Variants in NDUFV2 observed in about 807,000 individuals in gnomAD.
NDUFV2 encodes the protein NADH:ubiquinone oxidoreductase core subunit V2.
NDUFV2 carries 18 observed loss-of-function variants against 31.6 expected under a neutral mutation model. That is an observed-to-expected ratio of 0.57 (90% CI 0.39 to 0.84). NDUFV2 has a LOEUF of 0.84. NDUFV2 is among the 40% of genes least tolerant of loss of function. NDUFV2 has a pLI of 0.00. For missense variants in NDUFV2, 314 were observed against 303.6 expected, an observed-to-expected ratio of 1.03 and a Z score of -0.26; for synonymous variants, 83 against 99.8, an observed-to-expected ratio of 0.83 and a Z score of 1.01.
At chr18:9,119,214 T>C (rs867159744) in intron 2 of NDUFV2, 112 bp from the exon 3 acceptor site, 2 of 835,642 alleles carry the variant, frequency 2.4e-6, no homozygotes, top group Admixed American at 3.8e-5. Context: ...GTATATATCA[T>C]GTTGGAATTA....
At chr18:9,129,626 C>T (rs1178352367) in intron 7 of NDUFV2, among the ~76,000 whole-genome samples, 3 of 151,958 alleles carry the variant, frequency 2.0e-5, no homozygotes, top group Admixed American at 6.6e-5. Flanking sequence ...TGAGCCATGA[C>T]CTGAATGAAG....
At chr18:9,128,534 T>G (rs144584661) in intron 7 of NDUFV2, among the ~76,000 whole-genome samples, 3 of 152,208 alleles carry the variant, frequency 2.0e-5, no homozygotes. Flanking sequence ...CCCCTTTTTT[T>G]AGGAGGTAAA....
Position 9,117,904 on chromosome 18 carries a change from G to A in NDUFV2, c.120+1G>A. The stretch of plus-strand genomic sequence containing the variant: ...TGGAGCTGGAGGAGCTTTATTTGTG[G>A]TAAGTAATTACTTAGATTTCTTTGG... On this transcript the variant is annotated splice_donor_variant, in intron 2 of 7. Coordinates refer to ENST00000318388, the MANE Select transcript of NDUFV2 (RefSeq NM_021074.5). LOFTEE classifies it high-confidence loss of function. 1.3e-6 allele frequency: 2 copies of A among 1,581,604 alleles called. No individual in the cohort carries two copies. The highest frequency in any genetic ancestry group is 1.7e-6 in the Non-Finnish European group (2 of 1,150,598).
intron 1 of NDUFV2, among the ~76,000 whole-genome samples, chr18:9,105,950 A>G (rs1008135916): frequency 1.3e-5 from 2 of 151,936 alleles, no homozygotes; most frequent in African/African-American, 4.8e-5. Flanking sequence ...CCATATGTTG[A>G]ACAATTTTGG....
At chr18:9,115,337 C>G (rs778524750) in intron 1 of NDUFV2, among the ~76,000 whole-genome samples, 1 of 151,294 alleles carries the variant, frequency 6.6e-6, no homozygotes, top group Non-Finnish European at 1.5e-5. Context: ...TTTGTTTAAC[C>G]CTGATTCCAG....
intron 5 of NDUFV2, among the ~76,000 whole-genome samples, 169 bp downstream of exon 5, chr18:9,122,850 ATTC>A (rs1292029626): frequency 6.6e-6 from 1 of 152,122 alleles, no homozygotes; most frequent in Non-Finnish European, 1.5e-5. Context: ...CCTATTTGGT[ATTC>A]TTCCTCAGTT....
intron 2 of NDUFV2, among the ~76,000 whole-genome samples, chr18:9,118,316 C>T (rs1201044173): frequency 6.6e-6 from 1 of 151,958 alleles, no homozygotes; most frequent in Non-Finnish European, 1.5e-5. Context: ...TTTTAGTTTC[C>T]GGAGTTTTAA....
At position 9,124,179 on chromosome 18, in the gene NDUFV2, TAG is replaced by T. The variant is rs1391168510; in HGVS notation, c.470-692_470-691del. On this transcript the variant is annotated intron_variant, in intron 5 of 7. Transcript: ENST00000318388. ...AACTTCCTTGAATGTTAAAATTACA[TAG>T]AGTTTTTTTTTTGTTTTTTTTTTTT... Among the ~76,000 whole-genome samples, 6 of 150,760 alleles carry T rather than the reference TAG, an allele frequency of 4.0e-5. No homozygotes were observed. The South Asian group carries it at 8.3e-4, about 21-fold the overall frequency.
chr18:9,122,138 AAT>A (rs2077942036), intron 4 of NDUFV2, among the ~76,000 whole-genome samples: 1 of 152,174 alleles, frequency 6.6e-6, no homozygotes, highest in South Asian at 2.1e-4. Flanking sequence ...TTTGGCCATC[AAT>A]TTTTTGCCAT....
chr18:9,133,037 G>C (rs2143117723), intron 7 of NDUFV2, among the ~76,000 whole-genome samples: 1 of 152,154 alleles, frequency 6.6e-6, no homozygotes, highest in East Asian at 1.9e-4. Flanking sequence ...ATAATCCAAA[G>C]ATATTAACTA....
chr18:9,121,864 A>T (rs1244588019), intron 4 of NDUFV2, among the ~76,000 whole-genome samples: 1 of 152,236 alleles, frequency 6.6e-6, no homozygotes, highest in Admixed American at 6.5e-5. Flanking sequence ...GTACTAGACT[A>T]TATGATTCAA....
Position 9,102,802 on chromosome 18 carries a change from G to T in NDUFV2, c.54+5G>T. On this transcript the variant is annotated splice_donor_5th_base_variant and intron_variant, in intron 1 of 7. Transcript: ENST00000318388. ...GCTGGCCTCACCGCCCACTGGGTAA[G>T]GAGGCTCAAGCTGAGCCCGGCGCTG... 6.4e-7 allele frequency: 1 copy of T among 1,563,436 alleles called. No individual in the cohort carries two copies. Among genetic ancestry groups the T allele is most frequent in the Non-Finnish European group, 8.6e-7 (1 of 1,156,292 alleles).
intron 1 of NDUFV2, among the ~76,000 whole-genome samples, chr18:9,116,378 C>A (rs1309608169): frequency 6.6e-6 from 1 of 152,142 alleles, no homozygotes; most frequent in African/African-American, 2.4e-5. Context: ...AGTATACAGT[C>A]TTTTCTCTCA....
chr18:9,104,854 A>G, intron 1 of NDUFV2: 2 of 1,371,666 alleles, frequency 1.5e-6, no homozygotes, highest in Non-Finnish European at 2.0e-6. Flanking sequence ...GAGACTAGCA[A>G]GTAGAGTAAG....
chr18:9,104,294 A>C, intron 1 of NDUFV2: 1 of 1,610,796 alleles, frequency 6.2e-7, no homozygotes, highest in Non-Finnish European at 8.5e-7. Flanking sequence ...GGCGTGCCAT[A>C]CTAAAGAATT....
chr18:9,119,679 GT>G (rs1315216398), intron 4 of NDUFV2, 89 bp downstream of exon 4: 15 of 1,111,478 alleles, frequency 1.3e-5, no homozygotes, highest in Non-Finnish European at 2.1e-5. Flanking sequence ...ATCATCTCCA[GT>G]GTCAGAATCT....
chr18:9,128,137 A>C (rs549266996), intron 7 of NDUFV2, among the ~76,000 whole-genome samples: 27 of 152,266 alleles, frequency 1.8e-4, no homozygotes, highest in African/African-American at 6.0e-4. Context: ...TATGTATATA[A>C]ATTTTTTCTT....
In NDUFV2 at chr18:9,102,712, G is replaced by A; in HGVS notation, c.-32G>A. 1 of 1,571,242 alleles carries A rather than the reference G, an allele frequency of 6.4e-7. No individual in the cohort carries two copies. Among genetic ancestry groups the A allele is most frequent in the Non-Finnish European group, 8.6e-7 (1 of 1,161,406 alleles). ...GGCGCGCTCGGGATTCTCGCCTGGCGCGGCTGGGGAAGGTGAACAGTGTGG... is the reference window on the plus strand; with the variant it reads ...GGCGCGCTCGGGATTCTCGCCTGGCACGGCTGGGGAAGGTGAACAGTGTGG... On this transcript the variant is annotated 5_prime_UTR_variant, in exon 1 of 8. Coordinates refer to ENST00000318388, the MANE Select transcript of NDUFV2 (RefSeq NM_021074.5).
intron 1 of NDUFV2, among the ~76,000 whole-genome samples, chr18:9,112,208 G>A (rs1371077759): frequency 5.3e-5 from 8 of 151,334 alleles, no homozygotes; most frequent in South Asian, 2.1e-4. Context: ...TAGTAGAGAT[G>A]GGGTTTCACC....
Sources: gnomAD v4.1 joint callset for allele counts (sites outside exome capture counted in the v4.1 genomes callset) on GRCh38, gnomAD v4.1.1 for gene constraint, MANE v1.5 for transcripts, NCBI Gene and HGNC (gene_info 2026-07-23, HGNC 2026-07-21) for gene names.